The following PCDHGA12 variants were observed in gnomAD, a reference collection of about 807,000 sequenced individuals.
PCDHGA12 encodes protocadherin gamma-A12.
In PCDHGA12, 43 loss-of-function variants were observed where a neutral mutation model predicts 61.1. That is an observed-to-expected ratio of 0.70 (90% confidence interval 0.55 to 0.91). The LOEUF is 0.91. PCDHGA12 is among the 40% of genes least tolerant of loss of function. PCDHGA12 has a pLI of 0.00. For synonymous variants in PCDHGA12, 520 were observed against 542.9 expected (o/e 0.96, Z 0.59); for missense variants, 1,236 against 1,227.7 (o/e 1.01, Z -0.10).
chr5:141,451,874 C>T (rs1264178631), intron 1 of PCDHGA12, among the ~76,000 whole-genome samples: 1 of 151,956 alleles, frequency 6.6e-6, no homozygotes, highest in Non-Finnish European at 1.5e-5. Context: ...GAATGAAACC[C>T]TGTCAAGAAA....
At chr5:141,433,347 C>T (rs1207853986) in intron 1 of PCDHGA12, 164 bp downstream of exon 1, 3 of 626,596 alleles carry the variant, frequency 4.8e-6, no homozygotes, top group Non-Finnish European at 8.3e-6. Context: ...GTGCAAGCCA[C>T]CTACTGTCTG....
chr5:141,501,501 T>C (rs2099809553), intron 2 of PCDHGA12, among the ~76,000 whole-genome samples: 1 of 151,938 alleles, frequency 6.6e-6, no homozygotes, highest in Non-Finnish European at 1.5e-5. Context: ...CTGCTGGGGC[T>C]CCAAGGCCTC....
chr5:141,476,483 G>T lies in PCDHGA12; in HGVS notation c.2425-18324G>T. On this transcript the variant is annotated intron_variant, in intron 1 of 3. Coordinates refer to ENST00000252085, the MANE Select transcript of PCDHGA12 (RefSeq NM_003735.3). The surrounding 1 kb of genome is among the most constrained non-coding windows in gnomAD (Gnocchi z 7.6). ...CCCGCTGGAGCTGTTCAGCGTGGAA[G>T]TGGTGATCCAGGACATCAACGACAA... 6.2e-7 allele frequency: 1 copy of T among 1,614,166 alleles called. No homozygotes were observed. The highest frequency in any genetic ancestry group is 8.5e-7 in the Non-Finnish European group (1 of 1,180,034).
At chr5:141,478,269 A>G in intron 1 of PCDHGA12, 1 of 1,614,146 alleles carries the variant, frequency 6.2e-7, no homozygotes, top group Non-Finnish European at 8.5e-7. Flanking sequence ...TTCAAAGTTT[A>G]CAAGTGGAAG....
intron 2 of PCDHGA12, among the ~76,000 whole-genome samples, chr5:141,499,010 AAGG>A (rs2099788390): frequency 6.6e-6 from 1 of 151,098 alleles, no homozygotes; most frequent in Non-Finnish European, 1.5e-5. Context: ...GGAAGGAAGG[AAGG>A]AAGGAAGGAA....
intron 2 of PCDHGA12, among the ~76,000 whole-genome samples, chr5:141,503,700 C>G (rs2099828974): frequency 6.6e-6 from 1 of 152,016 alleles, no homozygotes; most frequent in Non-Finnish European, 1.5e-5. Flanking sequence ...GAGATTCCTG[C>G]TTTCCCCTTC....
chr5:141,439,297 G>T (rs1252051365), intron 1 of PCDHGA12, among the ~76,000 whole-genome samples: 1 of 152,064 alleles, frequency 6.6e-6, no homozygotes, highest in African/African-American at 2.4e-5. Context: ...CATGGAAAAA[G>T]TAAAGCCCAG....
At chr5:141,438,571 T>TATAC (rs1212381177) in intron 1 of PCDHGA12, among the ~76,000 whole-genome samples, 15 of 94,542 alleles carry the variant, frequency 1.6e-4, no homozygotes, top group South Asian at 1.0e-3. Flanking sequence ...AGCTGTCTGA[T>TATAC]ATACATACAT....
In PCDHGA12 at chr5:141,431,710, G is replaced by A. The variant is rs1249423969; in HGVS notation, c.951G>A (p.Met317Ile). Residue 317 changes from methionine to isoleucine, a missense_variant, in exon 1 of 4, where the codon ATG becomes ATA. Coordinates refer to ENST00000252085, the MANE Select transcript of PCDHGA12 (RefSeq NM_003735.3). The surrounding 1 kb of genome is among the most constrained non-coding windows in gnomAD (Gnocchi z 4.8). The part of the protein sequence containing the change: ...LDHEESGFYQ[M>I]EVQAMDNAGY... ...ACGAGGAGTCAGGATTCTACCAGAT[G>A]GAAGTGCAAGCAATGGATAATGCAG... is the stretch of plus-strand genomic sequence containing the variant. 3.1e-6 allele frequency: 5 copies of A among 1,614,116 alleles called. No individual in the cohort carries two copies. Among genetic ancestry groups the A allele is most frequent in the South Asian group, 1.1e-5 (1 of 91,088 alleles).
At chr5:141,438,591 C>CATATATATATATAT (rs946798767) in intron 1 of PCDHGA12, among the ~76,000 whole-genome samples, 3 of 75,556 alleles carry the variant, frequency 4.0e-5, no homozygotes, top group Non-Finnish European at 8.0e-5. Context: ...TACATACATA[C>CATATATATATATAT]ATATATATAT....
At chr5:141,484,621 T>C (rs2099598239) in intron 1 of PCDHGA12, among the ~76,000 whole-genome samples, 1 of 152,058 alleles carries the variant, frequency 6.6e-6, no homozygotes, top group Admixed American at 6.6e-5. Flanking sequence ...CAACACTGGC[T>C]TGAACAAAGT....
In PCDHGA12 at chr5:141,432,645, C is replaced by A. The variant is rs758701539; in HGVS notation, c.1886C>A (p.Ala629Glu). ...CTGCACACGGGCGAGGTGCGCACGG[C>A]GCGAGCCCTGCTGGACAGAGACGCG... The part of the protein sequence containing the change: ...VGLHTGEVRT[A>E]RALLDRDALK... The change falls in exon 1 of 4, where the codon GCG (alanine) becomes GAG (glutamate). Residue 629 changes from alanine to glutamate, a missense_variant. Coordinates refer to ENST00000252085, the MANE Select transcript of PCDHGA12 (RefSeq NM_003735.3). This position sits in a 1 kb window ranked among gnomAD's most constrained non-coding sequence, Gnocchi z 6.0. The A allele has an allele frequency of 1.2e-5, 20 of 1,613,628 alleles. No individual in the cohort carries two copies. The highest frequency in any genetic ancestry group is 1.6e-4 in the Middle Eastern group (1 of 6,066).
Position 141,485,281 on chromosome 5 carries a change from A to G in PCDHGA12, c.2425-9526A>G. 4 of 1,614,156 alleles carry G rather than the reference A, an allele frequency of 2.5e-6. No individual in the cohort carries two copies. In the South Asian group the frequency reaches 3.3e-5, roughly 13 times the overall value. Reference sequence around the variant, plus strand: ...GTGGGCAGATCCGCTACCCGGTCCCAGAGGAGTCACAGGAAGGGACTTTTG... The same window carrying G: ...GTGGGCAGATCCGCTACCCGGTCCCGGAGGAGTCACAGGAAGGGACTTTTG... On this transcript the variant is annotated intron_variant, in intron 1 of 3. Coordinates refer to ENST00000252085, the MANE Select transcript of PCDHGA12 (RefSeq NM_003735.3). The surrounding 1 kb of genome is among the most constrained non-coding windows in gnomAD (Gnocchi z 5.7).
chr5:141,486,590 C>T lies in PCDHGA12; in HGVS notation c.2425-8217C>T, dbSNP rs781629297. On this transcript the variant is annotated intron_variant, in intron 1 of 3. Transcript: ENST00000252085. This position sits in a 1 kb window ranked among gnomAD's most constrained non-coding sequence, Gnocchi z 5.0. Reference sequence around the variant, plus strand: ...TCCTGAGAACAATCGCCCAGGGGACCTGCTTTGCTCCCTTGCAGCCTCTGA... The same window carrying T: ...TCCTGAGAACAATCGCCCAGGGGACTTGCTTTGCTCCCTTGCAGCCTCTGA... The T allele has an allele frequency of 6.2e-7, 1 of 1,613,640 alleles. No individual in the cohort carries two copies.
intron 2 of PCDHGA12, among the ~76,000 whole-genome samples, chr5:141,500,020 T>A (rs905529317): frequency 6.6e-6 from 1 of 151,918 alleles, no homozygotes; most frequent in Non-Finnish European, 1.5e-5. Flanking sequence ...ACATTTTATA[T>A]TTGAGTGAGT....
At chr5:141,488,797 T>G (rs1451050520) in intron 1 of PCDHGA12, among the ~76,000 whole-genome samples, 6 of 152,158 alleles carry the variant, frequency 3.9e-5, no homozygotes, top group Non-Finnish European at 8.8e-5. Context: ...TCTTCCCTGT[T>G]GAGTACCATC....
intron 1 of PCDHGA12, among the ~76,000 whole-genome samples, chr5:141,455,650 C>T (rs1176718096): frequency 2.6e-5 from 4 of 151,994 alleles, no homozygotes; most frequent in African/African-American, 9.7e-5. Flanking sequence ...AGCCATGTGG[C>T]CAGGAACTTG....
At chr5:141,473,189 A>G (rs1049891105) in intron 1 of PCDHGA12, among the ~76,000 whole-genome samples, 2 of 152,198 alleles carry the variant, frequency 1.3e-5, no homozygotes, top group Admixed American at 6.5e-5. Flanking sequence ...GAAGGAGTAA[A>G]TGTATCTTCT....
rs2099693161 is a variant in PCDHGA12, at chr5:141,489,871, G to T, written c.2425-4936G>T. ...TGAAGCCCAGGCAAGACATCAGCTG[G>T]TGCTTACTGCTGTGGATGGGGGGAC... On this transcript the variant is annotated intron_variant, in intron 1 of 3. Coordinates refer to ENST00000252085, the MANE Select transcript of PCDHGA12 (RefSeq NM_003735.3). This position sits in a 1 kb window ranked among gnomAD's most constrained non-coding sequence, Gnocchi z 4.5. The T allele has an allele frequency of 6.2e-7, 1 of 1,614,088 alleles. No homozygotes were observed. Among genetic ancestry groups the T allele is most frequent in the Non-Finnish European group, 8.5e-7 (1 of 1,180,022 alleles).
Sources: gnomAD v4.1 joint callset for allele counts (sites outside exome capture counted in the v4.1 genomes callset) on GRCh38, gnomAD v4.1.1 for gene constraint, Gnocchi (gnomAD v3.1) non-coding constraint, MANE v1.5 for transcripts, NCBI Gene and HGNC (gene_info 2026-07-23, HGNC 2026-07-21) for gene names.